Variants in BPIFB2 observed in about 807,000 individuals in gnomAD.
The protein encoded by BPIFB2 is BPI fold-containing family B member 2.
BPIFB2 carries 39 observed loss-of-function variants against 50.1 expected under a neutral mutation model. The ratio of observed to expected loss-of-function variants is 0.78; its 90% CI spans 0.60 to 1.02. The LOEUF is 1.02. BPIFB2 is among the 50% of genes least tolerant of loss of function. The pLI is 0.00. For missense variants in BPIFB2, 574 were observed against 585.8 expected, an observed-to-expected ratio of 0.98 and a Z score of 0.21; for synonymous variants, 280 against 256.3, an observed-to-expected ratio of 1.09 and a Z score of -0.88.
At chr20:33,022,292 G>A (rs1978703488) in intron 15 of BPIFB2, among the ~76,000 whole-genome samples, 1 of 152,210 alleles carries the variant, frequency 6.6e-6, no homozygotes, top group Non-Finnish European at 1.5e-5. Flanking sequence ...CAGTCAGCAA[G>A]ACATGCCTAG....
In BPIFB2 at chr20:33,008,655, C is replaced by T. The variant is rs140278132; in HGVS notation, c.81C>T (p.Val27=). The T allele has an allele frequency of 3.5e-5, 57 of 1,607,172 alleles. No homozygotes were observed. The African/African-American group carries it at 6.8e-4, about 19-fold the overall frequency. The change falls in exon 2 of 16, where the codon GTC becomes GTT. Residue 27 remains valine (V), a synonymous_variant. Coordinates refer to ENST00000170150, the MANE Select transcript of BPIFB2 (RefSeq NM_025227.3). ...VVGASTPGTV[V]RLNKAALSYV... ...GTGCCTCCACGCCAGGCACCGTGGT[C>T]CGACTCAACAAGGCAGCATTGAGCT...
chr20:33,021,594 G>A (rs1978674562), intron 14 of BPIFB2, 129 bp from the exon 15 acceptor site: 1 of 1,008,198 alleles, frequency 9.9e-7, no homozygotes, highest in Admixed American at 2.0e-5. Flanking sequence ...TTCCCCTTCT[G>A]TAAAAGGGGT....
intron 11 of BPIFB2, 135 bp from the exon 12 acceptor site, chr20:33,020,193 G>T (rs560928759): frequency 3.7e-6 from 3 of 811,198 alleles, no homozygotes; most frequent in African/African-American, 3.4e-5. Context: ...AACATTCAGC[G>T]TGGGGCCTGG....
intron 11 of BPIFB2, 34 bp downstream of exon 11, chr20:33,019,784 A>G: frequency 6.5e-7 from 1 of 1,550,176 alleles, no homozygotes; most frequent in Middle Eastern, 1.7e-4. Flanking sequence ...AAGGCAGGCA[A>G]CTGTCACAGA....
At position 33,021,603 on chromosome 20, in the gene BPIFB2, G is replaced by A. The variant is rs529484010; in HGVS notation, c.1259-120G>A. ...CCCAGCTTCCCCTTCTGTAAAAGGG[G>A]TATAACAATAATGGCATCCATCTTC... On this transcript the variant is annotated intron_variant, in intron 14 of 15. Coordinates refer to ENST00000170150, the MANE Select transcript of BPIFB2 (RefSeq NM_025227.3). 285 of 1,083,250 alleles carry A rather than the reference G, an allele frequency of 2.6e-4. 1 individual carries two copies. The highest frequency in any genetic ancestry group is 1.0e-3 in the Middle Eastern group (5 of 4,902). 67.1% of individuals were successfully genotyped at this position (1,083,250 alleles called of 1,614,324 possible).
chr20:33,020,730 A>AAGC, intron 13 of BPIFB2, 143 bp downstream of exon 13: 1 of 945,836 alleles, frequency 1.1e-6, no homozygotes, highest in Non-Finnish European at 1.5e-6. Context: ...CTGCTTGGGG[A>AAGC]CAGTGGCCAG....
intron 6 of BPIFB2, 39 bp from the exon 7 acceptor site, chr20:33,017,003 T>C: frequency 5.0e-6 from 8 of 1,598,028 alleles, no homozygotes; most frequent in Non-Finnish European, 6.9e-6. Context: ...GCCCCAGGGC[T>C]GCCCTAACCC....
Position 33,013,903 on chromosome 20 carries a change from C to T in BPIFB2, c.402C>T (p.Ile134=). Residue 134 remains isoleucine, a synonymous_variant, in exon 5 of 16, where the codon ATC becomes ATT. Coordinates refer to ENST00000170150, the MANE Select transcript of BPIFB2 (RefSeq NM_025227.3). ...QSSIRTPVVS[I]SACSLFSGHA... ...CCATCAGGACCCCTGTGGTCAGCAT[C>T]TCTGCCTGCTCTTTATTCTCGGGCC... The T allele has an allele frequency of 6.2e-7, 1 of 1,614,090 alleles. No homozygotes were observed. The highest frequency in any genetic ancestry group is 8.5e-7 in the Non-Finnish European group (1 of 1,179,940).
In BPIFB2 at chr20:33,019,656, A is replaced by G; in HGVS notation, c.986A>G (p.His329Arg). The G allele has an allele frequency of 6.2e-7, 1 of 1,612,752 alleles. No individual in the cohort carries two copies. Among genetic ancestry groups the G allele is most frequent in the Non-Finnish European group, 8.5e-7 (1 of 1,179,488 alleles). Residue 329 changes from histidine (H) to arginine (R), a missense_variant, in exon 11 of 16, where the codon CAC (histidine) becomes CGC (arginine). Coordinates refer to ENST00000170150, the MANE Select transcript of BPIFB2 (RefSeq NM_025227.3). The stretch of plus-strand genomic sequence containing the variant: ...GGTGCCACACCTGTGGCCATGCTCC[A>G]CACAAACAACGCCACCCTGCGGCTG... Reference protein sequence around the residue: ...RLGATPVAMLHTNNATLRLQP... With the variant: ...RLGATPVAMLRTNNATLRLQP...
chr20:33,021,278 C>T lies in BPIFB2; in HGVS notation c.1195-3C>T, dbSNP rs766759631. 1.5e-5 allele frequency: 24 copies of T among 1,613,990 alleles called. No homozygotes were observed. The South Asian group carries it at 2.5e-4, about 17-fold the overall frequency. ...GCCCATCTCCCTGGCTCCGTGGCCA[C>T]AGACAGATCAGGTGCGCACACTGAT... is the stretch of plus-strand genomic sequence containing the variant. On this transcript the variant is annotated splice_polypyrimidine_tract_variant and splice_region_variant and intron_variant, in intron 13 of 15. Coordinates refer to ENST00000170150, the MANE Select transcript of BPIFB2 (RefSeq NM_025227.3).
intron 5 of BPIFB2, among the ~76,000 whole-genome samples, chr20:33,014,312 G>C (rs1990328141): frequency 6.6e-6 from 1 of 152,206 alleles, no homozygotes; most frequent in Non-Finnish European, 1.5e-5. Context: ...GGAAGCCAGG[G>C]AGGGCCTGGG....
In BPIFB2 at chr20:33,018,295, A is replaced by G. The variant is rs556987465; in HGVS notation, c.614A>G (p.Tyr205Cys). 6.2e-7 allele frequency: 1 copy of G among 1,614,112 alleles called. No homozygotes were observed. Among genetic ancestry groups the G allele is most frequent in the African/African-American group, 1.3e-5 (1 of 75,032 alleles). The stretch of plus-strand genomic sequence containing the variant: ...GTGGGTCCTGAGTCCCAGATCCGCT[A>G]TTCCATGGTCAGTGTGCCCACTGTC... ...NPVGPESQIR[Y>C]SMVSVPTVTS... Residue 205 changes from tyrosine (Y) to cysteine (C), a missense_variant, in exon 8 of 16, where the codon TAT (tyrosine) becomes TGT (cysteine). Transcript: ENST00000170150.
chr20:33,023,427 C>T lies in BPIFB2; in HGVS notation c.*44C>T. The T allele has an allele frequency of 1.3e-6, 2 of 1,598,332 alleles. No homozygotes were observed. Among genetic ancestry groups the T allele is most frequent in the South Asian group, 1.1e-5 (1 of 90,720 alleles). On this transcript the variant is annotated 3_prime_UTR_variant, in exon 16 of 16. Transcript: ENST00000170150. Reference sequence around the variant, plus strand: ...CCTGAGAGTGGGCCAGCTCGCTGCTCAGGCGAATTTCTCATTTCAAGCCAC... The same window carrying T: ...CCTGAGAGTGGGCCAGCTCGCTGCTTAGGCGAATTTCTCATTTCAAGCCAC...
chr20:33,016,789 CCT>C (rs1978446058), intron 6 of BPIFB2, among the ~76,000 whole-genome samples: 1 of 152,336 alleles, frequency 6.6e-6, no homozygotes, highest in East Asian at 1.9e-4. Flanking sequence ...GGCTCCACGG[CCT>C]CTGTTCTTTC....
chr20:33,012,642 G>A (rs914408426), intron 3 of BPIFB2, among the ~76,000 whole-genome samples, 161 bp from the exon 4 acceptor site: 3 of 152,090 alleles, frequency 2.0e-5, no homozygotes, highest in Admixed American at 6.5e-5. Context: ...TGCATGCCCC[G>A]TGGTGATGGA....
chr20:33,022,667 G>T (rs1978718701), intron 15 of BPIFB2, among the ~76,000 whole-genome samples: 1 of 152,218 alleles, frequency 6.6e-6, no homozygotes, highest in African/African-American at 2.4e-5. Flanking sequence ...TAAGCCACAG[G>T]TACATGTGGC....
At chr20:33,019,451 G>A in intron 10 of BPIFB2, 129 bp from the exon 11 acceptor site, 4 of 1,113,914 alleles carry the variant, frequency 3.6e-6, no homozygotes, top group Admixed American at 2.9e-5. Context: ...CTTACACAGA[G>A]GGGGGACCCA....
intron 11 of BPIFB2, among the ~76,000 whole-genome samples, 200 bp from the exon 12 acceptor site, chr20:33,020,128 C>T (rs531489455): frequency 2.0e-5 from 3 of 152,346 alleles, no homozygotes; most frequent in South Asian, 4.1e-4. Context: ...CCACAGCTGG[C>T]GGCTCGTTCC....
Position 33,019,088 on chromosome 20 carries a change from C to A in BPIFB2, c.882C>A (p.Thr294=). 6.2e-7 allele frequency: 1 copy of A among 1,614,166 alleles called. No individual in the cohort carries two copies. The highest frequency in any genetic ancestry group is 1.1e-5 in the South Asian group (1 of 91,082). Residue 294 remains threonine, a synonymous_variant, in exon 10 of 16, where the codon ACC becomes ACA. Coordinates refer to ENST00000170150, the MANE Select transcript of BPIFB2 (RefSeq NM_025227.3). ...QLRSDDNLLN[T]SALGRLIPEV... is the part of the protein sequence containing the mutation. ...GGTCGGATGACAACCTGCTGAACACCTCTGCTCTGGGCCGGCTCATCCCGG... is the reference window on the plus strand; with the variant it reads ...GGTCGGATGACAACCTGCTGAACACATCTGCTCTGGGCCGGCTCATCCCGG...
Sources: allele counts gnomAD v4.1 joint callset (sites outside exome capture counted in the v4.1 genomes callset), GRCh38; gene constraint gnomAD v4.1.1; transcripts MANE v1.5; gene names NCBI Gene and HGNC (gene_info 2026-07-23, HGNC 2026-07-21).